PDLIM5: variants seen among roughly 807,000 people sequenced by gnomAD.
The protein encoded by PDLIM5 is PDZ and LIM domain 5.
A neutral mutation model predicts 64.2 loss-of-function variants in PDLIM5; 34 were observed. The observed-to-expected ratio is 0.53, with a 90% CI of 0.40 to 0.71. The LOEUF (loss-of-function observed/expected upper bound fraction) is 0.71. Ranked by LOEUF, PDLIM5 falls within the 30% of genes least tolerant of loss-of-function variation. The pLI is 0.00. For synonymous variants in PDLIM5, 253 were observed against 269.1 expected (o/e 0.94, Z 0.59); for missense variants, 683 against 733.6 (o/e 0.93, Z 0.80).
At chr4:94,471,685 A>T in intron 2 of PDLIM5, among the ~76,000 whole-genome samples, 1 of 152,198 alleles carries the variant, frequency 6.6e-6, no homozygotes, top group East Asian at 1.9e-4. Context: ...TGGTCAAATT[A>T]CTGAACAGTG....
chr4:94,562,915 A>G (rs1038929633), intron 3 of PDLIM5, among the ~76,000 whole-genome samples: 1 of 152,198 alleles, frequency 6.6e-6, no homozygotes, highest in African/African-American at 2.4e-5. Flanking sequence ...AGAAAAAAAG[A>G]TACTAATACT....
chr4:94,532,681 C>T (rs1025572549), intron 3 of PDLIM5, among the ~76,000 whole-genome samples: 1 of 152,130 alleles, frequency 6.6e-6, no homozygotes, highest in African/African-American at 2.4e-5. Flanking sequence ...GAGTTGATCA[C>T]AACCCTCACT....
chr4:94,494,925 A>G (rs938320616), intron 2 of PDLIM5, among the ~76,000 whole-genome samples: 4 of 151,432 alleles, frequency 2.6e-5, no homozygotes, highest in Non-Finnish European at 5.9e-5. Context: ...ATTTTTTTGT[A>G]TTTTAGTACA....
At chr4:94,584,677 T>C (rs757160536) in intron 5 of PDLIM5, 6 of 308,246 alleles carry the variant, frequency 1.9e-5, no homozygotes, top group Non-Finnish European at 3.6e-5. Flanking sequence ...CAAAATTGTA[T>C]TCGGAATTGC....
intron 7 of PDLIM5, among the ~76,000 whole-genome samples, chr4:94,598,185 A>G (rs1030491474): frequency 1.3e-5 from 2 of 152,190 alleles, no homozygotes; most frequent in Admixed American, 1.3e-4. Flanking sequence ...GAGATATAGC[A>G]TACATGTTCA....
chr4:94,571,594 T>C (rs1734805715), intron 3 of PDLIM5, among the ~76,000 whole-genome samples: 2 of 152,222 alleles, frequency 1.3e-5, no homozygotes, highest in Non-Finnish European at 2.9e-5. Flanking sequence ...AGGGGATCTG[T>C]TATCCCATTG....
chr4:94,511,384 C>T (rs1024909951), intron 2 of PDLIM5, among the ~76,000 whole-genome samples: 4 of 151,922 alleles, frequency 2.6e-5, no homozygotes, highest in African/African-American at 7.3e-5. Flanking sequence ...GAGATGTTTT[C>T]GTACAGGCAT....
intron 1 of PDLIM5, among the ~76,000 whole-genome samples, chr4:94,454,799 T>A (rs1723181187): frequency 1.3e-5 from 2 of 152,244 alleles, no homozygotes; most frequent in African/African-American, 4.8e-5. Flanking sequence ...CTCTTTCACA[T>A]GTTAGAGTAA....
chr4:94,500,915 T>C (rs1727856201), intron 2 of PDLIM5, among the ~76,000 whole-genome samples: 1 of 151,328 alleles, frequency 6.6e-6, no homozygotes. Flanking sequence ...TTCCCAGTAC[T>C]GAGACTACAG....
intron 8 of PDLIM5, among the ~76,000 whole-genome samples, chr4:94,628,437 T>C (rs1739871960): frequency 6.6e-6 from 1 of 152,134 alleles, no homozygotes; most frequent in Non-Finnish European, 1.5e-5. Flanking sequence ...ATTTAAGGAG[T>C]ATCCCAATTT....
intron 10 of PDLIM5, among the ~76,000 whole-genome samples, chr4:94,655,422 C>G (rs1164668968): frequency 6.6e-6 from 1 of 152,104 alleles, no homozygotes; most frequent in African/African-American, 2.4e-5. Context: ...CTAATATACT[C>G]TCAATGTGAA....
At chr4:94,516,094 G>A (rs1729332017) in intron 2 of PDLIM5, among the ~76,000 whole-genome samples, 1 of 152,198 alleles carries the variant, frequency 6.6e-6, no homozygotes, top group Non-Finnish European at 1.5e-5. Flanking sequence ...TGGTAGAGTA[G>A]AGTAAGATGC....
At position 94,667,472 on chromosome 4, in the gene PDLIM5, A is replaced by G. The variant is rs1430542818; in HGVS notation, c.*3405A>G. On this transcript the variant is annotated 3_prime_UTR_variant, in exon 13 of 13. Transcript: ENST00000317968. Reference sequence around the variant, plus strand: ...ATTTACAAAGCATTTACATTGTATTAGCTATTATAGGTAATCTAGAGATGA... The same window carrying G: ...ATTTACAAAGCATTTACATTGTATTGGCTATTATAGGTAATCTAGAGATGA... 3 of 152,216 alleles carry G rather than the reference A, an allele frequency of 2.0e-5. No individual in the cohort carries two copies. The highest frequency in any genetic ancestry group is 4.4e-5 in the Non-Finnish European group (3 of 68,032). The allele number at this position is 152,216 out of a possible 1,614,324, so 9.4% of individuals were successfully genotyped here.
In PDLIM5 at chr4:94,521,937, T is replaced by C. The variant is rs141481518; in HGVS notation, c.97-1787T>C. ...TCTCTCATTACAAAGATGTCAAATT[T>C]TATTTCATTTGCTGATTTTAGTAGG... is the stretch of plus-strand genomic sequence containing the variant. On this transcript the variant is annotated intron_variant, in intron 2 of 12. Transcript: ENST00000317968. Among the ~76,000 whole-genome samples, 71 of 152,308 alleles carry C rather than the reference T, an allele frequency of 4.7e-4. 1 individual carries two copies. In the East Asian group the frequency reaches 0.011, roughly 24 times the overall value.
At chr4:94,610,057 T>A (rs1738238731) in intron 7 of PDLIM5, 3 of 634,892 alleles carry the variant, frequency 4.7e-6, no homozygotes, top group Non-Finnish European at 7.9e-6. Context: ...ACTTTTATAA[T>A]GCTTAGATAT....
At chr4:94,453,739 A>G (rs72667611) in intron 1 of PDLIM5, among the ~76,000 whole-genome samples, 2,904 of 152,260 alleles carry the variant, frequency 0.019, 34 homozygotes, top group Non-Finnish European at 0.031. Flanking sequence ...CAATTGAATT[A>G]TGTGTGGCTC....
intron 8 of PDLIM5, among the ~76,000 whole-genome samples, chr4:94,635,799 G>A (rs1055421362): frequency 3.3e-5 from 5 of 152,204 alleles, no homozygotes; most frequent in African/African-American, 9.6e-5. Flanking sequence ...GTGCTAGAGC[G>A]GTGGTGAGAA....
chr4:94,545,390 ATCTC>A (rs1732220651), intron 3 of PDLIM5, among the ~76,000 whole-genome samples: 1 of 152,288 alleles, frequency 6.6e-6, no homozygotes, highest in African/African-American at 2.4e-5. Context: ...TATTTGTGGT[ATCTC>A]TCTCAACACA....
At chr4:94,607,919 A>G in intron 7 of PDLIM5, 1 of 466,988 alleles carries the variant, frequency 2.1e-6, no homozygotes. Context: ...AACCATTTGT[A>G]GATGTGAAGT....
Sources: gnomAD v4.1 joint callset for allele counts (sites outside exome capture counted in the v4.1 genomes callset) on GRCh38, gnomAD v4.1.1 for gene constraint, MANE v1.5 for transcripts, NCBI Gene and HGNC (gene_info 2026-07-23, HGNC 2026-07-21) for gene names.